MSH3: variants seen among roughly 807,000 people sequenced by gnomAD.
MSH3 encodes the protein DNA mismatch repair protein Msh3.
In MSH3, 106 loss-of-function variants were observed where a neutral mutation model predicts 123.3. The observed-to-expected ratio is 0.86, with a 90% CI of 0.73 to 1.01. The LOEUF (loss-of-function observed/expected upper bound fraction) is 1.01. Ranked by LOEUF, MSH3 falls within the 50% of genes least tolerant of loss-of-function variation. The pLI, the probability that MSH3 is intolerant of heterozygous loss-of-function variation, is 0.00. For synonymous variants in MSH3, 515 were observed against 481.4 expected (o/e 1.07, Z -0.91); for missense variants, 1,459 against 1,347.6 (o/e 1.08, Z -1.29).
Position 80,661,551 on chromosome 5 carries a change from TA to T in MSH3, c.359-3584del, listed in dbSNP as rs914233443. Among the ~76,000 whole-genome samples the T allele has an allele frequency of 2.0e-5, 3 of 147,206 alleles. No individual in the cohort carries two copies. In the East Asian group the frequency reaches 5.8e-4, roughly 28 times the overall value. Reference sequence around the variant, plus strand: ...TATATGAATTATATCTCAGTAAAGCTAAAAAAAATTCCTTTTGCTCCTCTTT... The same window carrying T: ...TATATGAATTATATCTCAGTAAAGCTAAAAAAATTCCTTTTGCTCCTCTTT... On this transcript the variant is annotated intron_variant, in intron 2 of 23. Transcript: ENST00000265081.
At chr5:80,815,920 T>C (rs3776977) in intron 20 of MSH3, among the ~76,000 whole-genome samples, 24,048 of 152,148 alleles carry the variant, frequency 0.16, 1,997 homozygotes, top group East Asian at 0.24. Flanking sequence ...CAGCCAACCT[T>C]TATGATATAT....
At chr5:80,810,154 A>G (rs1219171740) in intron 19 of MSH3, among the ~76,000 whole-genome samples, 2 of 97,436 alleles carry the variant, frequency 2.1e-5, no homozygotes, top group Non-Finnish European at 4.3e-5. Flanking sequence ...CATGGTTTTT[A>G]TTCTTTTGTT....
At chr5:80,750,733 T>G (rs1743818726) in intron 12 of MSH3, among the ~76,000 whole-genome samples, 1 of 152,206 alleles carries the variant, frequency 6.6e-6, no homozygotes, top group South Asian at 2.1e-4. Flanking sequence ...TTTGATGCAA[T>G]CCCATTCGTC....
chr5:80,692,352 TTAGA>T (rs755813648), intron 8 of MSH3, among the ~76,000 whole-genome samples: 1 of 59,052 alleles, frequency 1.7e-5, no homozygotes, highest in African/African-American at 9.1e-5. Flanking sequence ...ATGTATATGT[TTAGA>T]TAGATAAACA....
rs1824838 is a variant in MSH3 at position 80,665,493 on chromosome 5, C to A, written c.579+130C>A. On this transcript the variant is annotated intron_variant, in intron 3 of 23. Transcript: ENST00000265081. Reference sequence around the variant, plus strand: ...TGGTCTTCTGAATCATCTGAGGGAGCTTTTGTGTTTTAGTTTAGTTTTCTT... The same window carrying A: ...TGGTCTTCTGAATCATCTGAGGGAGATTTTGTGTTTTAGTTTAGTTTTCTT... The A allele has an allele frequency of 0.26, 186,603 of 708,906 alleles. 26,652 individuals carry two copies. The highest frequency in any genetic ancestry group is 0.4 in the Middle Eastern group (1,024 of 2,584). 43.9% of individuals were successfully genotyped at this position (708,906 alleles called of 1,614,324 possible). A position where few individuals can be genotyped will look rare whatever the true frequency, so the allele number is the denominator to read the frequency against.
chr5:80,851,902 G>A (rs192434132), intron 20 of MSH3, among the ~76,000 whole-genome samples: 48 of 152,248 alleles, frequency 3.2e-4, no homozygotes, highest in African/African-American at 1.1e-3. Context: ...TTATAAATAT[G>A]TGTGTGTATC....
At chr5:80,659,480 A>T (rs181585792) in intron 2 of MSH3, among the ~76,000 whole-genome samples, 1 of 152,174 alleles carries the variant, frequency 6.6e-6, no homozygotes, top group Non-Finnish European at 1.5e-5. Context: ...TGAACATTTC[A>T]TATAAATGGA....
intron 8 of MSH3, among the ~76,000 whole-genome samples, chr5:80,714,952 C>T (rs1283579645): frequency 6.6e-6 from 1 of 152,184 alleles, no homozygotes; most frequent in African/African-American, 2.4e-5. Context: ...TTCTTCAGCA[C>T]CACAGATGGG....
intron 22 of MSH3, among the ~76,000 whole-genome samples, chr5:80,869,032 A>C (rs1024383334): frequency 6.6e-6 from 1 of 152,002 alleles, no homozygotes; most frequent in African/African-American, 2.4e-5. Context: ...CTTCTATAAT[A>C]CTCTATTTCC....
intron 20 of MSH3, among the ~76,000 whole-genome samples, chr5:80,852,280 A>G (rs1580090294): frequency 6.6e-6 from 1 of 152,166 alleles, no homozygotes; most frequent in African/African-American, 2.4e-5. Flanking sequence ...AGCTGTTATC[A>G]CTGCCACTGC....
At chr5:80,814,137 A>C (rs32997) in intron 20 of MSH3, among the ~76,000 whole-genome samples, 36,264 of 149,932 alleles carry the variant, frequency 0.24, 4,643 homozygotes, top group Non-Finnish European at 0.29. Flanking sequence ...AAGAAAAAAA[A>C]AAAAACAAAA....
chr5:80,704,847 C>T (rs1393954993), intron 8 of MSH3, among the ~76,000 whole-genome samples: 1 of 152,124 alleles, frequency 6.6e-6, no homozygotes. Flanking sequence ...TAGTCTTGCC[C>T]TTGTCCCTCG....
intron 17 of MSH3, among the ~76,000 whole-genome samples, chr5:80,783,111 A>G (rs1744438696): frequency 6.6e-6 from 1 of 152,232 alleles, no homozygotes; most frequent in South Asian, 2.1e-4. Flanking sequence ...TTAACTTCAG[A>G]TATCATTGAG....
chr5:80,675,678 C>G (rs1749824184), intron 7 of MSH3, among the ~76,000 whole-genome samples: 1 of 152,206 alleles, frequency 6.6e-6, no homozygotes, highest in African/African-American at 2.4e-5. Context: ...TGGGTGGGGA[C>G]ACAGCCAAAC....
intron 20 of MSH3, among the ~76,000 whole-genome samples, chr5:80,850,902 G>A (rs187978839): frequency 1.4e-3 from 219 of 152,030 alleles, no homozygotes; most frequent in South Asian, 8.9e-3. Context: ...AACATTACTC[G>A]AGTTATTATA....
intron 8 of MSH3, among the ~76,000 whole-genome samples, chr5:80,694,844 A>G (rs1433360335): frequency 6.6e-6 from 1 of 151,532 alleles, no homozygotes; most frequent in Non-Finnish European, 1.5e-5. Flanking sequence ...CTATCATTCA[A>G]ATTGTTTTAC....
intron 8 of MSH3, among the ~76,000 whole-genome samples, chr5:80,689,411 G>A (rs1750176127): frequency 6.6e-6 from 1 of 152,006 alleles, no homozygotes; most frequent in African/African-American, 2.4e-5. Context: ...CATGTTTGTT[G>A]TAAAAGTGAA....
At chr5:80,775,598 C>A in intron 15 of MSH3, 96 bp from the exon 16 acceptor site, 1 of 724,582 alleles carries the variant, frequency 1.4e-6, no homozygotes, top group African/African-American at 1.8e-5. Context: ...GAGTGTTTAA[C>A]AATATATAAT....
chr5:80,722,613 A>G (rs1751104310), intron 8 of MSH3, among the ~76,000 whole-genome samples: 1 of 152,200 alleles, frequency 6.6e-6, no homozygotes. Flanking sequence ...TGTTTCAGAT[A>G]AAGACCAGAG....
Sources: allele counts gnomAD v4.1 joint callset (sites outside exome capture counted in the v4.1 genomes callset), GRCh38; gene constraint gnomAD v4.1.1; transcripts MANE v1.5; gene names NCBI Gene and HGNC (gene_info 2026-07-23, HGNC 2026-07-21).